RASA3: variants seen among roughly 807,000 people sequenced by gnomAD.
RASA3 encodes RAS p21 protein activator 3.
Under a neutral mutation model 110.0 loss-of-function variants are expected in RASA3, and 73 were observed. That is an observed-to-expected ratio of 0.66 (90% CI 0.55 to 0.81). The LOEUF (loss-of-function observed/expected upper bound fraction) is 0.81. RASA3 is among the 30% of genes least tolerant of loss of function. The pLI is 0.00. For missense variants in RASA3, 976 were observed against 1,113.2 expected, an observed-to-expected ratio of 0.88 and a Z score of 1.75; for synonymous variants, 500 against 451.4, an observed-to-expected ratio of 1.11 and a Z score of -1.37.
intron 1 of RASA3, among the ~76,000 whole-genome samples, chr13:114,127,814 G>A (rs565479406): frequency 3.3e-5 from 5 of 152,324 alleles, no homozygotes; most frequent in South Asian, 2.1e-4. Flanking sequence ...CCAGGAGCCC[G>A]TGGAGCTGGG....
intron 9 of RASA3, among the ~76,000 whole-genome samples, chr13:114,020,939 T>C (rs1418686745): frequency 2.0e-5 from 3 of 152,278 alleles, no homozygotes; most frequent in South Asian, 2.1e-4. Context: ...CCCCTACTGG[T>C]GTCAGACCTC....
At chr13:113,992,134 C>T (rs1042992475) in intron 22 of RASA3, among the ~76,000 whole-genome samples, 6 of 152,232 alleles carry the variant, frequency 3.9e-5, no homozygotes, top group Admixed American at 6.5e-5. Context: ...CGTGTGTCCG[C>T]ACACATGCAA....
At chr13:113,997,418 T>C (rs1040905892) in intron 20 of RASA3, among the ~76,000 whole-genome samples, 1 of 151,632 alleles carries the variant, frequency 6.6e-6, no homozygotes, top group Non-Finnish European at 1.5e-5. Context: ...AAGCTGGAAG[T>C]GAGCAGTCCT....
intron 1 of RASA3, among the ~76,000 whole-genome samples, chr13:114,083,401 C>A (rs1455672234): frequency 6.6e-6 from 1 of 152,238 alleles, no homozygotes; most frequent in East Asian, 1.9e-4. Flanking sequence ...GCCCCAAAGC[C>A]AGAGAGAGGA....
intron 2 of RASA3, among the ~76,000 whole-genome samples, chr13:114,067,385 C>T (rs144218497): frequency 1.3e-5 from 2 of 152,374 alleles, no homozygotes; most frequent in East Asian, 3.9e-4. Context: ...TGTTTAAGCT[C>T]TAACTTGAGA....
chr13:114,010,852 A>T (rs947464593), intron 16 of RASA3, among the ~76,000 whole-genome samples: 5 of 43,106 alleles, frequency 1.2e-4, no homozygotes, highest in African/African-American at 4.8e-4. Context: ...CGCAACGCCC[A>T]GGAGGCGCCA....
chr13:114,076,164 C>T (rs1048643832), intron 1 of RASA3, among the ~76,000 whole-genome samples: 2 of 152,230 alleles, frequency 1.3e-5, no homozygotes, highest in African/African-American at 4.8e-5. Context: ...ACTGCAAAAG[C>T]AAGAGACACA....
At chr13:114,091,537 C>T (rs2079889432) in intron 1 of RASA3, among the ~76,000 whole-genome samples, 1 of 150,410 alleles carries the variant, frequency 6.6e-6, no homozygotes, top group Admixed American at 6.7e-5. Flanking sequence ...GGTATTAAAC[C>T]ATCCCTGCAT....
intron 15 of RASA3, among the ~76,000 whole-genome samples, chr13:114,012,835 C>T (rs535016931): frequency 1.6e-5 from 2 of 127,470 alleles, no homozygotes; most frequent in African/African-American, 6.2e-5. Context: ...AAACACTCCC[C>T]ATTCCACACA....
At chr13:113,992,172 T>C (rs537215070) in intron 22 of RASA3, among the ~76,000 whole-genome samples, 2 of 152,354 alleles carry the variant, frequency 1.3e-5, no homozygotes, top group South Asian at 4.1e-4. Flanking sequence ...TCCACACACA[T>C]GCACTTATCC....
At chr13:114,127,271 C>T (rs976766065) in intron 1 of RASA3, among the ~76,000 whole-genome samples, 3 of 152,204 alleles carry the variant, frequency 2.0e-5, no homozygotes, top group Admixed American at 2.0e-4. Context: ...CCAGGAATGA[C>T]GCCCCCAGGG....
At chr13:113,982,734 G>A (rs1463897597) in intron 22 of RASA3, among the ~76,000 whole-genome samples, 2 of 152,240 alleles carry the variant, frequency 1.3e-5, no homozygotes, top group Non-Finnish European at 1.5e-5. Flanking sequence ...ATCAGGAGAT[G>A]AGGCCTTTGG....
intron 1 of RASA3, among the ~76,000 whole-genome samples, chr13:114,081,213 A>G (rs2079783975): frequency 6.6e-6 from 1 of 151,726 alleles, no homozygotes. Flanking sequence ...GCAACGGGCC[A>G]CACAGGAGAT....
Position 114,056,246 on chromosome 13 carries a change from AGTGTCTGGTGT to A in RASA3, c.174-4102_174-4092del, listed in dbSNP as rs1426061045. On this transcript the variant is annotated intron_variant, in intron 2 of 23. Coordinates refer to ENST00000334062, the MANE Select transcript of RASA3 (RefSeq NM_007368.4). The surrounding 1 kb of genome is among the most constrained non-coding windows in gnomAD (Gnocchi z 5.7). ...TCCAATGCGTGTCTGGTGAGTGGTG[AGTGTCTGGTGT>A]GTGTCTGATGTGTGTCTGATGCATA... 6.6e-6 allele frequency among the ~76,000 whole-genome samples: 1 copy of A among 151,828 alleles called. No homozygotes were observed. The highest frequency in any genetic ancestry group is 1.5e-5 in the Non-Finnish European group (1 of 67,946).
At chr13:114,039,696 C>A in intron 4 of RASA3, among the ~76,000 whole-genome samples, 1 of 70,470 alleles carries the variant, frequency 1.4e-5, no homozygotes, top group South Asian at 4.0e-4. Flanking sequence ...ACTGCTCCCT[C>A]TGTTACAGGC....
intron 2 of RASA3, among the ~76,000 whole-genome samples, chr13:114,058,285 G>A (rs531478379): frequency 8.5e-5 from 13 of 152,150 alleles, no homozygotes; most frequent in Admixed American, 6.5e-4. Flanking sequence ...CTGCTGCGGC[G>A]AGGCCGTCAC....
intron 1 of RASA3, among the ~76,000 whole-genome samples, chr13:114,091,544 G>A (rs1244715649): frequency 6.6e-6 from 1 of 150,764 alleles, no homozygotes; most frequent in Non-Finnish European, 1.5e-5. Context: ...AACCATCCCT[G>A]CATTCCTGGA....
Position 114,066,145 on chromosome 13 carries a change from C to T in RASA3, c.173+7575G>A, listed in dbSNP as rs536905967. Among the ~76,000 whole-genome samples the T allele has an allele frequency of 3.3e-5, 5 of 152,316 alleles. No individual in the cohort carries two copies. In the East Asian group the frequency reaches 7.7e-4, roughly 24 times the overall value. On this transcript the variant is annotated intron_variant, in intron 2 of 23. Transcript: ENST00000334062. ...GCTCCCGCCTCTCCTGCACATGAGG[C>T]TCTTTCCTCTCTCCCACCCCATACC...
chr13:114,067,754 C>T (rs891253163), intron 2 of RASA3, among the ~76,000 whole-genome samples: 1 of 152,188 alleles, frequency 6.6e-6, no homozygotes, highest in African/African-American at 2.4e-5. Context: ...CAGAAGAGCT[C>T]AGAGCCTGCC....
Sources: allele counts gnomAD v4.1 joint callset (sites outside exome capture counted in the v4.1 genomes callset), GRCh38; gene constraint gnomAD v4.1.1; non-coding constraint Gnocchi (gnomAD v3.1); transcripts MANE v1.5; gene names NCBI Gene and HGNC (gene_info 2026-07-23, HGNC 2026-07-21).